The following MTCL1 variants were observed in gnomAD, a reference collection of about 807,000 sequenced individuals.
MTCL1 encodes microtubule cross-linking factor 1.
MTCL1 carries 79 observed loss-of-function variants against 141.4 expected under a neutral mutation model. The observed-to-expected ratio is 0.56, with a 90% confidence interval of 0.47 to 0.67. The LOEUF (loss-of-function observed/expected upper bound fraction) is 0.67, where lower values mean the gene tolerates loss of function less well. Among genes scored for constraint, MTCL1 ranks in the 30% least tolerant of loss-of-function variants. The probability of loss-of-function intolerance (pLI) is 0.00; values close to 1 mark genes in which losing one functional copy is unlikely to be tolerated. For missense variants in MTCL1, 2,177 were observed against 2,113.9 expected (o/e 1.03, Z -0.59); for synonymous variants, 914 against 875.8 (o/e 1.04, Z -0.77).
rs531581151 is a variant in MTCL1, at chr18:8,814,283, G to A, written c.2859+1050G>A. Reference sequence around the variant, plus strand: ...ACCACTAAGAAGAATAAAATACACCGCAGGTGAGCTATGATCCCCACTGCA... The same window carrying A: ...ACCACTAAGAAGAATAAAATACACCACAGGTGAGCTATGATCCCCACTGCA... On this transcript the variant is annotated intron_variant, in intron 12 of 16. Transcript: ENST00000359865. 3.9e-5 allele frequency among the ~76,000 whole-genome samples: 6 copies of A among 152,176 alleles called. No individual in the cohort carries two copies. The South Asian group carries it at 6.2e-4, about 16-fold the overall frequency.
chr18:8,797,837 T>G (rs897173779), intron 9 of MTCL1, among the ~76,000 whole-genome samples: 7 of 152,206 alleles, frequency 4.6e-5, no homozygotes, highest in African/African-American at 1.7e-4. Context: ...CCATAGCTAT[T>G]AGCAATACTA....
chr18:8,786,116 C>CCCCCCCCA, intron 7 of MTCL1, 25 bp downstream of exon 6: 1 of 1,393,690 alleles, frequency 7.2e-7, no homozygotes, highest in Non-Finnish European at 9.4e-7. Context: ...GCAATCCCCC[C>CCCCCCCCA]CCCCCGCCCT....
chr18:8,811,567 A>T (rs2076488756), intron 11 of MTCL1, among the ~76,000 whole-genome samples: 2 of 152,098 alleles, frequency 1.3e-5, no homozygotes, highest in Admixed American at 6.5e-5. Flanking sequence ...AAGTTAAAAG[A>T]ATCTTTTCAG....
At chr18:8,739,392 G>A (rs1477849823) in intron 4 of MTCL1, among the ~76,000 whole-genome samples, 1 of 152,192 alleles carries the variant, frequency 6.6e-6, no homozygotes, top group Non-Finnish European at 1.5e-5. Flanking sequence ...TGGAAGAGAA[G>A]CAATACAGAA....
intron 12 of MTCL1, among the ~76,000 whole-genome samples, chr18:8,818,635 A>C (rs548950753): frequency 1.3e-5 from 2 of 152,236 alleles, no homozygotes; most frequent in Non-Finnish European, 2.9e-5. Context: ...TATTAGATTA[A>C]AAAATAGTAA....
intron 4 of MTCL1, among the ~76,000 whole-genome samples, chr18:8,747,428 G>A (rs1193577621): frequency 6.6e-6 from 1 of 152,200 alleles, no homozygotes; most frequent in East Asian, 1.9e-4. Flanking sequence ...GGGAGAGTCT[G>A]TTCCATGCCT....
At chr18:8,754,935 G>C (rs895519856) in intron 4 of MTCL1, among the ~76,000 whole-genome samples, 1 of 152,114 alleles carries the variant, frequency 6.6e-6, no homozygotes, top group Non-Finnish European at 1.5e-5. Flanking sequence ...CTTTTTACCT[G>C]GTGGCATCAG....
At chr18:8,731,131 GC>G (rs1256742304) in intron 4 of MTCL1, among the ~76,000 whole-genome samples, 1 of 152,102 alleles carries the variant, frequency 6.6e-6, no homozygotes, top group Non-Finnish European at 1.5e-5. Context: ...TGTAGTCATA[GC>G]TACTCGGGAG....
chr18:8,760,273 C>A (rs1391397205), intron 4 of MTCL1, among the ~76,000 whole-genome samples: 5 of 152,166 alleles, frequency 3.3e-5, no homozygotes, highest in African/African-American at 4.8e-5. Context: ...CAAATCCTGG[C>A]CGTGTGGTGG....
chr18:8,708,594 G>A (rs1422004388), intron 1 of MTCL1, among the ~76,000 whole-genome samples: 1 of 152,196 alleles, frequency 6.6e-6, no homozygotes, highest in Non-Finnish European at 1.5e-5. Context: ...TACTGCACCG[G>A]GATGCAGCCC....
chr18:8,717,821 G>A (rs1156526788), intron 1 of MTCL1: 2 of 852,728 alleles, frequency 2.3e-6, no homozygotes, highest in Admixed American at 6.0e-5. Context: ...GAGTGGAGGT[G>A]TGGGAAAGTC....
intron 4 of MTCL1, among the ~76,000 whole-genome samples, chr18:8,732,005 C>T (rs988720174): frequency 2.6e-5 from 4 of 152,088 alleles, no homozygotes; most frequent in Non-Finnish European, 4.4e-5. Context: ...CACTGTGTCC[C>T]GCCTCAAAAT....
At chr18:8,783,973 G>T (rs755313432) in exon 6 of MTCL1, 1 of 1,613,808 alleles carries the variant, frequency 6.2e-7, no homozygotes. Flanking sequence ...AAGCGGAGTT[G>T]CTCCGGAGGT....
chr18:8,739,339 A>G (rs1209919555), intron 4 of MTCL1, among the ~76,000 whole-genome samples: 3 of 152,210 alleles, frequency 2.0e-5, no homozygotes, highest in Non-Finnish European at 4.4e-5. Context: ...TTCACCAGAA[A>G]GCACACCCTC....
At chr18:8,804,201 A>G (rs1214926852) in intron 10 of MTCL1, among the ~76,000 whole-genome samples, 1 of 152,206 alleles carries the variant, frequency 6.6e-6, no homozygotes. Flanking sequence ...ATATTTCTGA[A>G]AAGATTGTTG....
intron 11 of MTCL1, among the ~76,000 whole-genome samples, chr18:8,811,751 A>G (rs1405667861): frequency 6.6e-5 from 10 of 152,284 alleles, no homozygotes. Flanking sequence ...AAGGATACCT[A>G]TACGTATTTA....
chr18:8,756,335 G>A (rs557652649), intron 4 of MTCL1, among the ~76,000 whole-genome samples: 16 of 150,576 alleles, frequency 1.1e-4, no homozygotes, highest in Non-Finnish European at 2.1e-4. Context: ...GTATATATAT[G>A]TGTGTGTATA....
At position 8,809,632 on chromosome 18, in the gene MTCL1, C is replaced by T. The variant is rs1334475764; in HGVS notation, c.2604+2572C>T. 61 of 1,526,474 alleles carry T rather than the reference C, an allele frequency of 4.0e-5. No homozygotes were observed. In the Admixed American group the frequency reaches 9.3e-4, roughly 23 times the overall value. 94.6% of individuals were successfully genotyped at this position (1,526,474 alleles called of 1,614,324 possible). ...GTGGAGGGCACACACCTGAAAAAAA[C>T]GGAGCAAGTAGAGAGTGGCCGGGCC... On this transcript the variant is annotated intron_variant, in intron 11 of 16. Transcript: ENST00000359865.
chr18:8,782,596 G>A (rs2096536374), intron 5 of MTCL1: 1 of 152,188 alleles, frequency 6.6e-6, no homozygotes, highest in Non-Finnish European at 1.5e-5. Context: ...GAACCCTCTG[G>A]AAGCCCTATG....
Sources: gnomAD v4.1 joint callset for allele counts (sites outside exome capture counted in the v4.1 genomes callset) on GRCh38, gnomAD v4.1.1 for gene constraint, MANE v1.5 for transcripts, NCBI Gene and HGNC (gene_info 2026-07-23, HGNC 2026-07-21) for gene names.